The following NF1 variants were observed in gnomAD, a reference collection of about 807,000 sequenced individuals.
NF1 encodes the protein neurofibromin.
A neutral mutation model predicts 325.7 loss-of-function variants in NF1; 122 were observed. That is an observed-to-expected ratio of 0.37 (90% CI 0.32 to 0.44). The LOEUF (loss-of-function observed/expected upper bound fraction) is 0.44, where lower values mean the gene tolerates loss of function less well. NF1 is among the 20% of genes least tolerant of loss of function. NF1 has a pLI of 1.00. For missense variants in NF1, 2,140 were observed against 3,415.4 expected (o/e 0.63, Z 9.31); for synonymous variants, 1,091 against 1,186.0 (o/e 0.92, Z 1.65).
intron 48 of NF1, among the ~76,000 whole-genome samples, chr17:31,344,803 C>T (rs1283177889): frequency 1.3e-5 from 2 of 152,202 alleles, no homozygotes; most frequent in Admixed American, 6.5e-5. Context: ...CTGGGTGCAG[C>T]GGCTCATGCC....
At chr17:31,121,919 G>C (rs1028425196) in intron 1 of NF1, among the ~76,000 whole-genome samples, 1 of 152,170 alleles carries the variant, frequency 6.6e-6, no homozygotes, top group African/African-American at 2.4e-5. Context: ...TTCTGGTTCT[G>C]AAGGATGCAG....
rs2151544563 is a variant in NF1, at chr17:31,330,356, C to A, written c.5670C>A (p.Gly1890=). Residue 1890 remains glycine, a synonymous_variant, in exon 39 of 58, where the codon GGC becomes GGA. Coordinates refer to ENST00000358273, the MANE Select transcript of NF1 (RefSeq NM_001042492.3). ...LTCTFNLKIE[G]QLLETSGLCI... ...GTACCTTTAATTTAAAAATCGAGGG[C>A]CAGTTACTAGAGACATCAGGTTTAT... The A allele has an allele frequency of 6.2e-7, 1 of 1,613,984 alleles. No individual in the cohort carries two copies. Among genetic ancestry groups the A allele is most frequent in the Non-Finnish European group, 8.5e-7 (1 of 1,179,950 alleles).
chr17:31,281,198 C>T (rs1305224772), intron 36 of NF1, among the ~76,000 whole-genome samples: 1 of 152,172 alleles, frequency 6.6e-6, no homozygotes. Flanking sequence ...ACCTTGTATT[C>T]TGAAAATCTG....
chr17:31,119,584 C>G (rs1208388595), intron 1 of NF1, among the ~76,000 whole-genome samples: 1 of 151,636 alleles, frequency 6.6e-6, no homozygotes, highest in African/African-American at 2.4e-5. Context: ...ATGATAGTTT[C>G]TTTTGCTGTG....
At chr17:31,230,744 C>A (rs1334022504) in intron 23 of NF1, 98 bp from the exon 24 acceptor site, 2 of 950,902 alleles carry the variant, frequency 2.1e-6, no homozygotes, top group Non-Finnish European at 3.3e-6. Flanking sequence ...GGTTATCTGG[C>A]AAATTATTTG....
intron 1 of NF1, among the ~76,000 whole-genome samples, chr17:31,145,244 G>C (rs1916507438): frequency 1.3e-5 from 2 of 152,194 alleles, no homozygotes; most frequent in Non-Finnish European, 2.9e-5. Flanking sequence ...CCAGACTGGA[G>C]TGCAGTGGCA....
chr17:31,173,956 A>G (rs1432729379), intron 5 of NF1, among the ~76,000 whole-genome samples: 2 of 152,202 alleles, frequency 1.3e-5, no homozygotes, highest in African/African-American at 4.8e-5. Flanking sequence ...GTGAGAGCAA[A>G]GAGAATTCAA....
chr17:31,319,126 A>G, intron 36 of NF1: 1 of 1,220,230 alleles, frequency 8.2e-7, no homozygotes, highest in Non-Finnish European at 1.1e-6. Flanking sequence ...CAAGTAAACT[A>G]CAAGCTTATG....
chr17:31,358,416 C>G (rs2070322758), intron 54 of NF1, 64 bp from the exon 55 acceptor site: 1 of 1,483,694 alleles, frequency 6.7e-7, no homozygotes, highest in South Asian at 1.2e-5. Flanking sequence ...TTATGTTTTC[C>G]ACTACATATT....
At chr17:31,184,458 G>A (rs928023760) in intron 8 of NF1, among the ~76,000 whole-genome samples, 2 of 151,458 alleles carry the variant, frequency 1.3e-5, no homozygotes, top group African/African-American at 4.8e-5. Flanking sequence ...GACCATCCTG[G>A]CTAACACGGT....
At position 31,229,091 on chromosome 17, in the gene NF1, A is replaced by C. The variant is rs767069721; in HGVS notation, c.2476A>C (p.Ile826Leu). ...RMSHVSGGGS[I>L]DLSDTDSLQE... ...GTCCCATGTGAGTGGAGGAGGATCC[A>C]TAGATTTGTCTGACACAGACTCCCT... Residue 826 changes from isoleucine (I) to leucine (L), a missense_variant, in exon 21 of 58, where the codon ATA becomes CTA. Coordinates refer to ENST00000358273, the MANE Select transcript of NF1 (RefSeq NM_001042492.3). The C allele has an allele frequency of 1.7e-5, 27 of 1,611,808 alleles. No homozygotes were observed. The highest frequency in any genetic ancestry group is 2.3e-5 in the Non-Finnish European group (27 of 1,179,814).
chr17:31,136,439 A>C (rs1196644221), intron 1 of NF1: 2 of 152,168 alleles, frequency 1.3e-5, no homozygotes, highest in African/African-American at 4.8e-5. Flanking sequence ...AGTCAACTGC[A>C]GTCTGAAAAT....
chr17:31,332,954 GAAAA>G (rs1186757433), intron 39 of NF1, among the ~76,000 whole-genome samples: 1 of 151,986 alleles, frequency 6.6e-6, no homozygotes, highest in African/African-American at 2.4e-5. Context: ...TACAAAAAAA[GAAAA>G]AAGCCAGGCA....
intron 16 of NF1, among the ~76,000 whole-genome samples, chr17:31,224,276 G>A (rs1231613538): frequency 4.6e-5 from 7 of 152,082 alleles, no homozygotes; most frequent in African/African-American, 1.7e-4. Context: ...TTAACATATA[G>A]TTTCTGTAAT....
At chr17:31,332,199 C>G (rs2069517061) in intron 39 of NF1, among the ~76,000 whole-genome samples, 1 of 152,134 alleles carries the variant, frequency 6.6e-6, no homozygotes, top group Non-Finnish European at 1.5e-5. Context: ...GACGCGGTGG[C>G]TCACGCCTGT....
rs1176838313 is a variant in NF1 at position 31,336,048 on chromosome 17, T to C, written c.6007-285T>C. ...GCTACATTACTGTCTTAGAAAAGCA[T>C]AGAGATACTTTGCAAGTGACTGAAG... On this transcript the variant is annotated intron_variant, in intron 40 of 57. Transcript: ENST00000358273. The surrounding 1 kb of genome is among the most constrained non-coding windows in gnomAD (Gnocchi z 5.5). 3.9e-5 allele frequency among the ~76,000 whole-genome samples: 6 copies of C among 152,064 alleles called. No individual in the cohort carries two copies. The highest frequency in any genetic ancestry group is 1.2e-4 in the African/African-American group (5 of 41,418).
intron 29 of NF1, among the ~76,000 whole-genome samples, 167 bp downstream of exon 29, chr17:31,236,188 AT>A (rs961892249): frequency 3.3e-5 from 5 of 151,364 alleles, no homozygotes; most frequent in African/African-American, 1.2e-4. Flanking sequence ...GATATCTGTA[AT>A]TTTTTTTTAA....
At chr17:31,352,973 A>G (rs1307022484) in intron 51 of NF1, among the ~76,000 whole-genome samples, 1 of 151,966 alleles carries the variant, frequency 6.6e-6, no homozygotes, top group Admixed American at 6.6e-5. Context: ...CAGTGGCGCA[A>G]TCTCAGCTCA....
chr17:31,271,097 AT>A (rs1170184053), intron 36 of NF1, among the ~76,000 whole-genome samples: 3 of 152,234 alleles, frequency 2.0e-5, no homozygotes, highest in African/African-American at 7.2e-5. Flanking sequence ...CAAATGCACT[AT>A]TAATTACATG....
Sources: gnomAD v4.1 joint callset for allele counts (sites outside exome capture counted in the v4.1 genomes callset) on GRCh38, gnomAD v4.1.1 for gene constraint, Gnocchi (gnomAD v3.1) non-coding constraint, MANE v1.5 for transcripts, NCBI Gene and HGNC (gene_info 2026-07-23, HGNC 2026-07-21) for gene names.